Variants in PLXDC2 observed in about 807,000 individuals in gnomAD.
PLXDC2 encodes the protein plexin domain containing 2, also known as plexin domain-containing protein 2.
In PLXDC2, 40 loss-of-function variants were observed where a neutral mutation model predicts 68.9. The observed-to-expected ratio is 0.58, with a 90% CI of 0.45 to 0.76. The LOEUF (loss-of-function observed/expected upper bound fraction) is 0.76. PLXDC2 is among the 30% of genes least tolerant of loss of function. The probability of loss-of-function intolerance (pLI) is 0.00; values close to 1 mark genes in which losing one functional copy is unlikely to be tolerated. For synonymous variants in PLXDC2, 243 were observed against 234.2 expected, an observed-to-expected ratio of 1.04 and a Z score of -0.34; for missense variants, 644 against 661.9, an observed-to-expected ratio of 0.97 and a Z score of 0.30.
At chr10:19,936,830 C>T (rs1481259909) in intron 1 of PLXDC2, among the ~76,000 whole-genome samples, 1 of 152,142 alleles carries the variant, frequency 6.6e-6, no homozygotes, top group African/African-American at 2.4e-5. Flanking sequence ...CCTCTGTTTC[C>T]TCATCTGCAT....
chr10:19,965,181 T>C (rs1161778150), intron 1 of PLXDC2, among the ~76,000 whole-genome samples: 1 of 152,206 alleles, frequency 6.6e-6, no homozygotes, highest in Non-Finnish European at 1.5e-5. Flanking sequence ...TTAAACTAGA[T>C]GATCCATTAG....
intron 1 of PLXDC2, among the ~76,000 whole-genome samples, chr10:19,901,748 G>A (rs181651031): frequency 3.2e-4 from 49 of 152,236 alleles, no homozygotes; most frequent in Non-Finnish European, 6.0e-4. Flanking sequence ...TGAAGTCTTT[G>A]CCTAAGCCAA....
At chr10:20,014,601 A>T (rs1835178396) in intron 2 of PLXDC2, among the ~76,000 whole-genome samples, 1 of 152,102 alleles carries the variant, frequency 6.6e-6, no homozygotes, top group Non-Finnish European at 1.5e-5. Flanking sequence ...TGGAAATTAA[A>T]ATTACTTTTG....
At chr10:20,100,340 GT>G (rs1402417886) in intron 4 of PLXDC2, among the ~76,000 whole-genome samples, 2 of 152,104 alleles carry the variant, frequency 1.3e-5, no homozygotes, top group African/African-American at 4.8e-5. Context: ...TTCCATTTTC[GT>G]TTTGTGTGTT....
chr10:19,910,739 A>C (rs1336400724), intron 1 of PLXDC2, among the ~76,000 whole-genome samples: 1 of 151,914 alleles, frequency 6.6e-6, no homozygotes, highest in African/African-American at 2.4e-5. Context: ...GGCCGGGTGC[A>C]GTGGCTCACA....
chr10:19,817,274 C>G (rs913529112), intron 1 of PLXDC2, 83 bp downstream of exon 1: 5 of 1,093,622 alleles, frequency 4.6e-6, no homozygotes, highest in Admixed American at 2.1e-5. Context: ...ACCCTCTCCC[C>G]CCAACATCAC....
At chr10:20,244,913 G>C (rs953137205) in intron 12 of PLXDC2, among the ~76,000 whole-genome samples, 2 of 152,004 alleles carry the variant, frequency 1.3e-5, no homozygotes, top group African/African-American at 4.8e-5. Context: ...TCAGGATTTC[G>C]AGACCAGCCT....
At chr10:19,884,838 C>A (rs1055418382) in intron 1 of PLXDC2, among the ~76,000 whole-genome samples, 1 of 152,150 alleles carries the variant, frequency 6.6e-6, no homozygotes, top group South Asian at 2.1e-4. Context: ...TTTATAGCAG[C>A]ATGATTTATA....
intron 4 of PLXDC2, among the ~76,000 whole-genome samples, chr10:20,140,871 T>C (rs1442794131): frequency 1.3e-5 from 2 of 152,100 alleles, no homozygotes; most frequent in East Asian, 1.9e-4. Flanking sequence ...TTGGGGTTTT[T>C]ATTTTTTTTT....
At chr10:19,990,576 T>G (rs1161479222) in intron 1 of PLXDC2, among the ~76,000 whole-genome samples, 1 of 152,232 alleles carries the variant, frequency 6.6e-6, no homozygotes, top group Non-Finnish European at 1.5e-5. Context: ...AGTTTCTATC[T>G]CATTTTAGTG....
intron 1 of PLXDC2, among the ~76,000 whole-genome samples, chr10:19,873,579 C>A (rs967199414): frequency 6.6e-6 from 1 of 151,884 alleles, no homozygotes; most frequent in South Asian, 2.1e-4. Context: ...ACCACAGTTC[C>A]CAGCTAGAGT....
At chr10:19,916,130 TGTTTTG>T (rs1564627887) in intron 1 of PLXDC2, among the ~76,000 whole-genome samples, 16 of 133,556 alleles carry the variant, frequency 1.2e-4, no homozygotes, top group Non-Finnish European at 2.0e-4. Context: ...AGTTGTGTTT[TGTTTTG>T]TTTTTTTTTT....
chr10:19,844,805 A>G lies in PLXDC2; in HGVS notation c.112+27614A>G, dbSNP rs115240528. Among the ~76,000 whole-genome samples, 1,420 of 152,094 alleles carry G rather than the reference A, an allele frequency of 9.3e-3. 16 individuals carry two copies. The highest frequency in any genetic ancestry group is 0.031 in the African/African-American group (1,297 of 41,502). ...CTTTTTGTAGAGGTGAGGTCTTGCT[A>G]TGTTGTCCAGGCTGGTCTTGAACTC... On this transcript the variant is annotated intron_variant, in intron 1 of 13. Coordinates refer to ENST00000377252, the MANE Select transcript of PLXDC2 (RefSeq NM_032812.9).
rs1409793740 is a variant in PLXDC2 at position 20,287,978 on chromosome 10, G to GC, written c.*8160dup. 15 of 103,732 alleles carry GC rather than the reference G, an allele frequency of 1.4e-4. No homozygotes were observed. Among genetic ancestry groups the GC allele is most frequent in the African/African-American group, 4.4e-4 (12 of 27,166 alleles). 6.4% of individuals were successfully genotyped at this position (103,732 alleles called of 1,614,324 possible). On this transcript the variant is annotated 3_prime_UTR_variant, in exon 14 of 14. Transcript: ENST00000377252. ...GAGAAGAAATTGGGCACTTCTTGCG[G>GC]CGGGGGAGGGGGGGGGGGCGGTGGC...
chr10:19,912,839 T>C (rs1833298792), intron 1 of PLXDC2, among the ~76,000 whole-genome samples: 1 of 152,222 alleles, frequency 6.6e-6, no homozygotes, highest in South Asian at 2.1e-4. Context: ...CTTCTGATTA[T>C]CATCCAAAGA....
intron 13 of PLXDC2, among the ~76,000 whole-genome samples, chr10:20,267,411 T>C (rs1456183737): frequency 6.6e-6 from 1 of 152,084 alleles, no homozygotes; most frequent in Non-Finnish European, 1.5e-5. Context: ...ATCAGTAAAA[T>C]GCAGCAGGAA....
At chr10:19,913,054 A>G (rs1209289537) in intron 1 of PLXDC2, among the ~76,000 whole-genome samples, 1 of 152,208 alleles carries the variant, frequency 6.6e-6, no homozygotes, top group Non-Finnish European at 1.5e-5. Context: ...TTGTCAAAGT[A>G]TCTGAATGTT....
intron 9 of PLXDC2, among the ~76,000 whole-genome samples, chr10:20,205,573 A>G (rs916777735): frequency 1.3e-5 from 2 of 152,134 alleles, no homozygotes; most frequent in African/African-American, 4.8e-5. Context: ...TCACATTAAT[A>G]TGGTACATAT....
chr10:19,898,945 G>A (rs1838111536), intron 1 of PLXDC2, among the ~76,000 whole-genome samples: 1 of 151,988 alleles, frequency 6.6e-6, no homozygotes, highest in African/African-American at 2.4e-5. Context: ...CTTGCCCTTG[G>A]GAGTTTTACA....
Sources: gnomAD v4.1 joint callset for allele counts (sites outside exome capture counted in the v4.1 genomes callset) on GRCh38, gnomAD v4.1.1 for gene constraint, MANE v1.5 for transcripts, NCBI Gene and HGNC (gene_info 2026-07-23, HGNC 2026-07-21) for gene names.